Variants in PTCD3 observed in about 807,000 individuals in gnomAD.
PTCD3 encodes small ribosomal subunit protein mS39.
In PTCD3, 89 loss-of-function variants were observed where a neutral mutation model predicts 101.9. That is an observed-to-expected ratio of 0.87 (90% CI 0.74 to 1.04). The LOEUF is 1.04. Ranked by LOEUF, PTCD3 falls within the 50% of genes least tolerant of loss-of-function variation. PTCD3 has a pLI of 0.00. For missense variants in PTCD3, 870 were observed against 828.2 expected, an observed-to-expected ratio of 1.05 and a Z score of -0.62; for synonymous variants, 296 against 278.5, an observed-to-expected ratio of 1.06 and a Z score of -0.63.
intron 2 of PTCD3, 36 bp from the exon 3 acceptor site, chr2:86,108,464 C>T (rs1381231934): frequency 2.5e-6 from 4 of 1,588,392 alleles, no homozygotes; most frequent in East Asian, 2.2e-5. Flanking sequence ...CATTGTAGTA[C>T]TAGGAAACTG....
rs961174862 is a variant in PTCD3, at chr2:86,116,512, A to G, written c.241-18A>G. 6.3e-7 allele frequency: 1 copy of G among 1,583,310 alleles called. No homozygotes were observed. Among genetic ancestry groups the G allele is most frequent in the African/African-American group, 1.3e-5 (1 of 74,260 alleles). ...TCTTCAAAATAAATATAGAAATTGT[A>G]TTATGTCTTTTCCACAGGATACCAC... On this transcript the variant is annotated intron_variant, in intron 4 of 23. Transcript: ENST00000254630.
chr2:86,111,849 ATTC>A (rs1674091266), intron 4 of PTCD3: 1 of 152,334 alleles, frequency 6.6e-6, no homozygotes, highest in Non-Finnish European at 1.5e-5. Context: ...GGTTCAAGCA[ATTC>A]TTCTGCCTCA....
intron 5 of PTCD3, 48 bp from the exon 6 acceptor site, chr2:86,117,007 C>A (rs779057741): frequency 3.8e-6 from 3 of 799,990 alleles, no homozygotes; most frequent in South Asian, 2.9e-5. Flanking sequence ...TAACTATAAT[C>A]TTGCTTGAGT....
intron 8 of PTCD3, among the ~76,000 whole-genome samples, chr2:86,123,261 T>TAAA (rs3077184): frequency 1.4e-5 from 2 of 142,064 alleles, no homozygotes; most frequent in Non-Finnish European, 1.5e-5. Context: ...GACTCTGTCT[T>TAAA]AAAAAAAAAA....
intron 14 of PTCD3, among the ~76,000 whole-genome samples, chr2:86,129,285 C>T (rs565612750): frequency 1.1e-3 from 160 of 152,298 alleles, no homozygotes; most frequent in Middle Eastern, 3.4e-3. Flanking sequence ...ACTTACATTT[C>T]CTAAGTAACA....
chr2:86,108,338 G>GT lies in PTCD3; in HGVS notation c.105-5dup, dbSNP rs771942681. The GT allele has an allele frequency of 2.5e-5, 40 of 1,606,900 alleles. No individual in the cohort carries two copies. Among genetic ancestry groups the GT allele is most frequent in the South Asian group, 4.5e-5 (4 of 89,658 alleles). ...AATGACTATTAGATTTAAGGCTTTT[G>GT]TTTTTTTGCAGATTTTATTCTGGTA... is the stretch of plus-strand genomic sequence containing the variant. On this transcript the variant is annotated splice_polypyrimidine_tract_variant and intron_variant, in intron 1 of 23. Coordinates refer to ENST00000254630, the MANE Select transcript of PTCD3 (RefSeq NM_017952.6).
intron 21 of PTCD3, 140 bp downstream of exon 21, chr2:86,135,127 C>G (rs1674563190): frequency 1.0e-6 from 1 of 966,066 alleles, no homozygotes; most frequent in South Asian, 2.0e-5. Flanking sequence ...AACTAAAAAG[C>G]AAACTTTTGG....
chr2:86,121,359 A>G lies in PTCD3; in HGVS notation c.539-120A>G, dbSNP rs994170549. On this transcript the variant is annotated intron_variant, in intron 7 of 23. Transcript: ENST00000254630. Reference sequence around the variant, plus strand: ...CGTTGAGTGCATAAAGTAGTGGACAACATTAAGTGTGTAGCCCTGAAGACC... The same window carrying G: ...CGTTGAGTGCATAAAGTAGTGGACAGCATTAAGTGTGTAGCCCTGAAGACC... 8 of 585,538 alleles carry G rather than the reference A, an allele frequency of 1.4e-5. No individual in the cohort carries two copies. In the South Asian group the frequency reaches 1.5e-4, roughly 11 times the overall value. The allele number at this position is 585,538 out of a possible 1,614,324, so 36.3% of individuals were successfully genotyped here.
Position 86,137,941 on chromosome 2 carries a change from T to C in PTCD3, c.*382T>C, listed in dbSNP as rs1217536952. 2 of 221,008 alleles carry C rather than the reference T, an allele frequency of 9.0e-6. No individual in the cohort carries two copies. The highest frequency in any genetic ancestry group is 1.9e-5 in the Non-Finnish European group (2 of 107,230). 13.7% of individuals were successfully genotyped at this position (221,008 alleles called of 1,614,324 possible). A position where few individuals can be genotyped will look rare whatever the true frequency, so the allele number is the denominator to read the frequency against. ...TGGACTTCTGCCTTTGTTGGCCTGA[T>C]GTGCTGCTGTGATGCTGGTCCTTCA... On this transcript the variant is annotated 3_prime_UTR_variant, in exon 24 of 24. Transcript: ENST00000254630.
chr2:86,135,143 G>C, intron 21 of PTCD3, 156 bp downstream of exon 21: 2 of 724,176 alleles, frequency 2.8e-6, no homozygotes, highest in South Asian at 2.3e-5. Flanking sequence ...TTTGGAAGAA[G>C]ACAGTATGCA....
chr2:86,133,053 A>T, intron 17 of PTCD3, 125 bp from the exon 18 acceptor site: 2 of 1,427,798 alleles, frequency 1.4e-6, no homozygotes, highest in South Asian at 3.0e-5. Flanking sequence ...TGGCTCGTTT[A>T]ACTTGAAACT....
At position 86,140,446 on chromosome 2, in the gene PTCD3, TAC is replaced by T. The variant is rs755688877; in HGVS notation, c.*2889_*2890del. The T allele has an allele frequency of 1.3e-5, 2 of 152,348 alleles. No individual in the cohort carries two copies. The highest frequency in any genetic ancestry group is 4.8e-5 in the African/African-American group (2 of 41,592). 9.4% of individuals were successfully genotyped at this position (152,348 alleles called of 1,614,324 possible). A position where few individuals can be genotyped will look rare whatever the true frequency, so the allele number is the denominator to read the frequency against. ...CATTAGAACATCTAAGCACGTCACC[TAC>T]AGTTTTGTGATGGTGCATTTTTGCA... is the stretch of plus-strand genomic sequence containing the variant. On this transcript the variant is annotated 3_prime_UTR_variant, in exon 24 of 24. Transcript: ENST00000254630.
chr2:86,132,293 A>C (rs531447793), intron 16 of PTCD3, 25 bp from the exon 17 acceptor site: 2 of 1,402,858 alleles, frequency 1.4e-6, no homozygotes, highest in South Asian at 2.3e-5. Flanking sequence ...TATCAGAGTG[A>C]TACTTACTAC....
intron 3 of PTCD3, 46 bp downstream of exon 3, chr2:86,108,582 C>T (rs1247920800): frequency 5.2e-6 from 8 of 1,533,398 alleles, no homozygotes; most frequent in Admixed American, 2.0e-5. Context: ...TGAGTGCTTA[C>T]TATGAGAGAA....
At chr2:86,111,340 G>A (rs974378607) in intron 4 of PTCD3, among the ~76,000 whole-genome samples, 182 bp downstream of exon 4, 3 of 152,144 alleles carry the variant, frequency 2.0e-5, no homozygotes, top group African/African-American at 7.2e-5. Flanking sequence ...TGTAATCCCA[G>A]CACTTTGGGA....
chr2:86,109,832 A>G (rs188065806), intron 3 of PTCD3, among the ~76,000 whole-genome samples: 157 of 152,358 alleles, frequency 1.0e-3, no homozygotes, highest in Non-Finnish European at 2.0e-3. Flanking sequence ...ATTGAAAGGA[A>G]TTAATTAGCT....
chr2:86,132,195 G>A (rs920929955), intron 16 of PTCD3, 123 bp from the exon 17 acceptor site: 1 of 571,936 alleles, frequency 1.7e-6, no homozygotes, highest in African/African-American at 1.9e-5. Context: ...TAACTTACTT[G>A]CTGTCAACCA....
chr2:86,129,706 A>G (rs1674461669), intron 14 of PTCD3, among the ~76,000 whole-genome samples: 1 of 152,222 alleles, frequency 6.6e-6, no homozygotes. Flanking sequence ...TAGAAACAAT[A>G]CATTGAAAAG....
intron 16 of PTCD3, among the ~76,000 whole-genome samples, chr2:86,132,084 G>A (rs1674502673): frequency 6.6e-6 from 1 of 152,130 alleles, no homozygotes; most frequent in Admixed American, 6.5e-5. Flanking sequence ...ACTTGACCAG[G>A]TGTTGTTACA....
Sources: gnomAD v4.1 joint callset for allele counts (sites outside exome capture counted in the v4.1 genomes callset) on GRCh38, gnomAD v4.1.1 for gene constraint, MANE v1.5 for transcripts, NCBI Gene and HGNC (gene_info 2026-07-23, HGNC 2026-07-21) for gene names.